PPP6R2: variants seen among roughly 807,000 people sequenced by gnomAD.
PPP6R2 encodes protein phosphatase 6 regulatory subunit 2.
A neutral mutation model predicts 100.2 loss-of-function variants in PPP6R2; 62 were observed. The observed-to-expected ratio is 0.62, with a 90% confidence interval of 0.50 to 0.76. PPP6R2 has a LOEUF of 0.76. PPP6R2 is among the 30% of genes least tolerant of loss of function. PPP6R2 has a pLI of 0.00. For missense variants in PPP6R2, 1,142 were observed against 1,276.3 expected (o/e 0.89, Z 1.60); for synonymous variants, 525 against 514.7 (o/e 1.02, Z -0.27).
chr22:50,414,331 G>GCCCCCCCCCCCCCCCCCCCCCCCCCCCC (rs57634612), intron 4 of PPP6R2, among the ~76,000 whole-genome samples: 2 of 26,774 alleles, frequency 7.5e-5, no homozygotes, highest in Non-Finnish European at 2.2e-4. Flanking sequence ...CTGTGCAGTG[G>GCCCCCCCCCCCCCCCCCCCCCCCCCCCC]CCCCCCCCCC....
At chr22:50,442,689 A>G (rs1340649857) in intron 22 of PPP6R2, among the ~76,000 whole-genome samples, 1 of 152,098 alleles carries the variant, frequency 6.6e-6, no homozygotes, top group Non-Finnish European at 1.5e-5. Flanking sequence ...AGCTGGGACT[A>G]CAGGCATCCG....
In PPP6R2 at chr22:50,440,018, G is replaced by C; in HGVS notation, c.2343G>C (p.Glu781Asp). ...TGGACACAGAATGCAGCCATGCTGA[G>C]GGCAGCCGGAGCCAAGGCCCTGAGA... The part of the protein sequence containing the change: ...SPVDTECSHA[E>D]GSRSQGPEKA... The change falls in exon 21 of 24, where the codon GAG becomes GAC. Residue 781 changes from glutamate to aspartate, a missense_variant. Glu to Asp is a conservative substitution (Grantham distance 45, BLOSUM62 2). Coordinates refer to ENST00000612753, the MANE Select transcript of PPP6R2 (RefSeq NM_001242898.2). 1 of 1,613,452 alleles carries C rather than the reference G, an allele frequency of 6.2e-7. No homozygotes were observed. The highest frequency in any genetic ancestry group is 1.3e-5 in the African/African-American group (1 of 75,072).
upstream of PPP6R2, among the ~76,000 whole-genome samples, chr22:50,338,707 GGTGTGTGGTGT>G (rs1277039024): frequency 4.6e-5 from 6 of 131,854 alleles, no homozygotes; most frequent in East Asian, 7.4e-4. Flanking sequence ...GTGTGTGTAG[GGTGTGTGGTGT>G]GTGTGTGGTG....
At chr22:50,429,377 A>G (rs1008345119) in intron 10 of PPP6R2, among the ~76,000 whole-genome samples, 1 of 152,074 alleles carries the variant, frequency 6.6e-6, no homozygotes, top group Non-Finnish European at 1.5e-5. Context: ...TGAGATGATC[A>G]TTTGGCTTTC....
chr22:50,437,912 G>T lies in PPP6R2; in HGVS notation c.1839+12G>T, dbSNP rs758551368. 1.3e-6 allele frequency: 2 copies of T among 1,558,716 alleles called. No individual in the cohort carries two copies. The highest frequency in any genetic ancestry group is 2.3e-5 in the South Asian group (2 of 85,474). ...CTGACGAGGACAGTGTGAGCAAGCC[G>T]GGCTGTGTGGGGTGCCGCCACCCTT... On this transcript the variant is annotated intron_variant, in intron 17 of 23. Transcript: ENST00000612753.
At chr22:50,432,490 C>T (rs535037020) in intron 12 of PPP6R2, among the ~76,000 whole-genome samples, 161 bp downstream of exon 12, 17 of 152,278 alleles carry the variant, frequency 1.1e-4, no homozygotes, top group African/African-American at 4.1e-4. Flanking sequence ...GTGCAAGGGG[C>T]CCTTCTACTG....
Position 50,444,076 on chromosome 22 carries a change from C to T in PPP6R2, c.2790C>T (p.Ala930=). ...PLGPIMAVTA[A]PAMVATLGTV... is the part of the protein sequence containing the mutation. ...GGCCCATCATGGCAGTCACAGCAGC[C>T]CCAGCCATGGTGGCCACCCTGGGGA... Residue 930 remains alanine (A), a synonymous_variant, in exon 23 of 24, where the codon GCC becomes GCT. Transcript: ENST00000612753. The T allele has an allele frequency of 6.2e-7, 1 of 1,612,860 alleles. No individual in the cohort carries two copies. Among genetic ancestry groups the T allele is most frequent in the Non-Finnish European group, 8.5e-7 (1 of 1,179,384 alleles).
intron 13 of PPP6R2, 89 bp from the exon 14 acceptor site, chr22:50,436,278 A>G: frequency 8.5e-7 from 1 of 1,180,070 alleles, no homozygotes; most frequent in South Asian, 1.3e-5. Context: ...ATCCTCCCGG[A>G]CCCAGGATGC....
chr22:50,340,690 G>A (rs919445421), upstream of PPP6R2, among the ~76,000 whole-genome samples: 4 of 151,880 alleles, frequency 2.6e-5, no homozygotes, highest in South Asian at 6.2e-4. Flanking sequence ...GGTCCCAGAG[G>A]CCACTCCTAA....
At chr22:50,367,956 C>G (rs547963097) in intron 1 of PPP6R2, among the ~76,000 whole-genome samples, 3 of 152,272 alleles carry the variant, frequency 2.0e-5, no homozygotes, top group African/African-American at 7.2e-5. Context: ...TGAGTGGCCT[C>G]CAATGATAGA....
Position 50,444,321 on chromosome 22 carries a change from ATCT to A in PPP6R2, c.*76_*78del, listed in dbSNP as rs1603429507. 1.4e-6 allele frequency: 2 copies of A among 1,400,616 alleles called. No individual in the cohort carries two copies. Among genetic ancestry groups the A allele is most frequent in the Non-Finnish European group, 1.9e-6 (2 of 1,059,030 alleles). The allele number at this position is 1,400,616 out of a possible 1,614,324, so 86.8% of individuals were successfully genotyped here. A position where few individuals can be genotyped will look rare whatever the true frequency, so the allele number is the denominator to read the frequency against. On this transcript the variant is annotated 3_prime_UTR_variant, in exon 24 of 24. Transcript: ENST00000612753. ...ATCGAGAAAACTACCTGGTGATGCA[ATCT>A]TTTTTTTTTTTAATTTAATTTAATT...
chr22:50,338,362 GTGGT>G (rs1240471564), upstream of PPP6R2, among the ~76,000 whole-genome samples: 6 of 143,768 alleles, frequency 4.2e-5, no homozygotes, highest in East Asian at 1.3e-3. Flanking sequence ...TATATGGTGT[GTGGT>G]GTGTGTATGG....
At chr22:50,434,930 C>T in intron 12 of PPP6R2, 36 bp from the exon 13 acceptor site, 6 of 1,573,962 alleles carry the variant, frequency 3.8e-6, no homozygotes, top group Non-Finnish European at 4.3e-6. Context: ...AAGGTCGGGG[C>T]CAGGAGGCCG....
chr22:50,432,352 G>A (rs758547130), intron 12 of PPP6R2, 23 bp downstream of exon 12: 1 of 1,545,132 alleles, frequency 6.5e-7, no homozygotes, highest in Non-Finnish European at 8.7e-7. Flanking sequence ...CGGACGTGGA[G>A]GGACCCAGCC....
intron 1 of PPP6R2, among the ~76,000 whole-genome samples, chr22:50,349,764 A>C (rs1420432299): frequency 6.6e-6 from 1 of 151,430 alleles, no homozygotes; most frequent in Non-Finnish European, 1.5e-5. Flanking sequence ...GCAGTGAGCC[A>C]AGATCACAAC....
intron 3 of PPP6R2, among the ~76,000 whole-genome samples, chr22:50,404,361 C>T (rs552575199): frequency 6.6e-6 from 1 of 152,084 alleles, no homozygotes; most frequent in African/African-American, 2.4e-5. Flanking sequence ...TCTCAAAGTG[C>T]TGGGATTACA....
At chr22:50,411,208 C>G (rs559914469) in intron 4 of PPP6R2, among the ~76,000 whole-genome samples, 4 of 152,326 alleles carry the variant, frequency 2.6e-5, no homozygotes, top group Admixed American at 6.5e-5. Flanking sequence ...CCACCCAACA[C>G]TTTGGGAGGC....
intron 22 of PPP6R2, among the ~76,000 whole-genome samples, chr22:50,442,173 A>G (rs779442744): frequency 4.2e-4 from 64 of 152,300 alleles, no homozygotes; most frequent in South Asian, 4.1e-4. Context: ...TCCCACCTGT[A>G]CTACCCTTCC....
intron 2 of PPP6R2, among the ~76,000 whole-genome samples, chr22:50,391,263 C>T (rs920476234): frequency 6.6e-6 from 1 of 151,610 alleles, no homozygotes; most frequent in African/African-American, 2.4e-5. Context: ...GAAACCCCAT[C>T]TCTACTAAAA....
Sources: allele counts gnomAD v4.1 joint callset (sites outside exome capture counted in the v4.1 genomes callset), GRCh38; gene constraint gnomAD v4.1.1; transcripts MANE v1.5; gene names NCBI Gene and HGNC (gene_info 2026-07-23, HGNC 2026-07-21).